The following MTUS1 variants were observed in gnomAD, a reference collection of about 807,000 sequenced individuals.
MTUS1 encodes microtubule associated scaffold protein 1, also known as microtubule-associated tumor suppressor 1.
MTUS1 carries 109 observed loss-of-function variants against 120.8 expected under a neutral mutation model. The observed-to-expected ratio is 0.90, with a 90% CI of 0.77 to 1.06. The LOEUF is 1.06. Among genes scored for constraint, MTUS1 ranks in the 50% least tolerant of loss-of-function variants. The pLI, the probability that MTUS1 is intolerant of heterozygous loss-of-function variation, is 0.00. For missense variants in MTUS1, 2,210 were observed against 1,486.3 expected, an observed-to-expected ratio of 1.49 and a Z score of -8.01; for synonymous variants, 737 against 550.5, an observed-to-expected ratio of 1.34 and a Z score of -4.74.
At chr8:17,715,156 T>C (rs561724488) in intron 5 of MTUS1, among the ~76,000 whole-genome samples, 1 of 152,182 alleles carries the variant, frequency 6.6e-6, no homozygotes, top group South Asian at 2.1e-4. Flanking sequence ...TCCACCTGTC[T>C]TGGCCTCCCA....
intron 3 of MTUS1, among the ~76,000 whole-genome samples, chr8:17,733,671 C>T (rs1278090755): frequency 6.6e-6 from 1 of 152,196 alleles, no homozygotes; most frequent in Non-Finnish European, 1.5e-5. Flanking sequence ...GGCTCTAGGT[C>T]AGCCTCTTCT....
At chr8:17,769,832 A>T (rs1348092881) in intron 1 of MTUS1, among the ~76,000 whole-genome samples, 1 of 148,994 alleles carries the variant, frequency 6.7e-6, no homozygotes, top group Non-Finnish European at 1.5e-5. Flanking sequence ...TAAGCACTCA[A>T]GCAGTTTCAG....
At chr8:17,790,926 G>A (rs1260969849) in intron 1 of MTUS1, among the ~76,000 whole-genome samples, 1 of 152,140 alleles carries the variant, frequency 6.6e-6, no homozygotes, top group Admixed American at 6.5e-5. Context: ...GGTGGAGGTT[G>A]CAGTCAGCCG....
At chr8:17,721,315 A>G (rs540638035) in intron 4 of MTUS1, among the ~76,000 whole-genome samples, 22 of 152,340 alleles carry the variant, frequency 1.4e-4, no homozygotes, top group Non-Finnish European at 2.8e-4. Flanking sequence ...ACTTTCAGTT[A>G]CAACTTAGGA....
At chr8:17,646,878 CCAT>C in intron 14 of MTUS1, 101 bp downstream of exon 14, 1 of 766,896 alleles carries the variant, frequency 1.3e-6, no homozygotes, top group South Asian at 1.6e-5. Flanking sequence ...CCATCTGCTT[CCAT>C]CATATTTCCA....
intron 3 of MTUS1, among the ~76,000 whole-genome samples, chr8:17,727,547 G>C (rs906529200): frequency 6.6e-6 from 1 of 152,204 alleles, no homozygotes; most frequent in South Asian, 2.1e-4. Context: ...CCGACGTTTA[G>C]CTTAACGGTA....
intron 12 of MTUS1, among the ~76,000 whole-genome samples, chr8:17,652,713 G>A (rs1400549824): frequency 1.3e-5 from 2 of 151,890 alleles, no homozygotes; most frequent in South Asian, 2.1e-4. Flanking sequence ...ATGCGTGCCT[G>A]TAATCCCAGC....
intron 6 of MTUS1, among the ~76,000 whole-genome samples, chr8:17,690,261 A>G (rs1225118338): frequency 6.6e-6 from 1 of 152,216 alleles, no homozygotes; most frequent in African/African-American, 2.4e-5. Context: ...CAACATATGG[A>G]AAAAGTAGAA....
At chr8:17,665,619 C>A (rs1810729461) in intron 8 of MTUS1, among the ~76,000 whole-genome samples, 1 of 152,138 alleles carries the variant, frequency 6.6e-6, no homozygotes, top group Non-Finnish European at 1.5e-5. Context: ...CCTCAGCCTC[C>A]CAAAGTGCTG....
chr8:17,754,362 T>C lies in MTUS1; in HGVS notation c.1446A>G (p.Ser482=). The part of the protein sequence containing the change: ...VNLCKPSLGK[S]TIKTNTPIGC... ...CTATTGGGGTATTCGTTTTGATTGT[T>C]GATTTTCCTAAACTGGGTTTACACA... Residue 482 remains serine (S), a synonymous_variant, in exon 2 of 15, where the codon TCA becomes TCG. Coordinates refer to ENST00000693296, the MANE Select transcript of MTUS1 (RefSeq NM_001363059.2). 6.2e-7 allele frequency: 1 copy of C among 1,614,174 alleles called. No individual in the cohort carries two copies. The highest frequency in any genetic ancestry group is 8.5e-7 in the Non-Finnish European group (1 of 1,180,038).
At chr8:17,724,591 A>G (rs2046088802) in intron 3 of MTUS1, among the ~76,000 whole-genome samples, 2 of 152,144 alleles carry the variant, frequency 1.3e-5, no homozygotes, top group South Asian at 4.1e-4. Flanking sequence ...TTGCAGTAAA[A>G]ATGTTTCCAC....
chr8:17,669,167 G>A (rs1467992162), intron 8 of MTUS1, among the ~76,000 whole-genome samples: 1 of 152,194 alleles, frequency 6.6e-6, no homozygotes, highest in African/African-American at 2.4e-5. Flanking sequence ...TCTTAAATGT[G>A]TACAGGGTGC....
chr8:17,666,065 T>C (rs1308553214), intron 8 of MTUS1, among the ~76,000 whole-genome samples: 1 of 148,092 alleles, frequency 6.8e-6, no homozygotes, highest in South Asian at 2.2e-4. Flanking sequence ...GCTCATTCAC[T>C]GGCCAGCATG....
intron 7 of MTUS1, among the ~76,000 whole-genome samples, chr8:17,682,249 C>T (rs1814692100): frequency 4.6e-5 from 7 of 152,168 alleles, no homozygotes; most frequent in Admixed American, 3.9e-4. Context: ...GGCGCAGTGG[C>T]TCACGCCTGT....
At chr8:17,664,841 C>T (rs12541352) in intron 8 of MTUS1, among the ~76,000 whole-genome samples, 9,284 of 152,110 alleles carry the variant, frequency 0.061, 486 homozygotes, top group East Asian at 0.24. Context: ...GAGGTAGTAA[C>T]ATCACTGAAC....
At chr8:17,677,790 G>C (rs900700830) in intron 7 of MTUS1, among the ~76,000 whole-genome samples, 3 of 152,184 alleles carry the variant, frequency 2.0e-5, no homozygotes, top group African/African-American at 7.2e-5. Flanking sequence ...GCAAAAGTCA[G>C]TTGGTTCTTC....
At chr8:17,776,201 T>A (rs976647108) in intron 1 of MTUS1, among the ~76,000 whole-genome samples, 2 of 152,180 alleles carry the variant, frequency 1.3e-5, no homozygotes. Context: ...TGTATTTACA[T>A]AGCACTTACA....
At chr8:17,778,201 G>A (rs1243412413) in intron 1 of MTUS1, among the ~76,000 whole-genome samples, 1 of 151,898 alleles carries the variant, frequency 6.6e-6, no homozygotes, top group Non-Finnish European at 1.5e-5. Flanking sequence ...ACAACAGAAA[G>A]GTAAACCATT....
At chr8:17,751,423 A>G (rs1193020065) in intron 2 of MTUS1, among the ~76,000 whole-genome samples, 1 of 152,200 alleles carries the variant, frequency 6.6e-6, no homozygotes, top group Non-Finnish European at 1.5e-5. Context: ...CAGCAAATTC[A>G]TTCAGCTCTC....
Sources: gnomAD v4.1 joint callset for allele counts (sites outside exome capture counted in the v4.1 genomes callset) on GRCh38, gnomAD v4.1.1 for gene constraint, MANE v1.5 for transcripts, NCBI Gene and HGNC (gene_info 2026-07-23, HGNC 2026-07-21) for gene names.